The following SHROOM2 variants were observed in gnomAD, a reference collection of about 807,000 sequenced individuals.
The protein encoded by SHROOM2 is protein Shroom2.
SHROOM2 carries 33 observed loss-of-function variants against 75.9 expected under a neutral mutation model. The observed-to-expected ratio is 0.43, with a 90% CI of 0.33 to 0.58. SHROOM2 has a LOEUF of 0.58. Among genes scored for constraint, SHROOM2 ranks in the 20% least tolerant of loss-of-function variants. The pLI, the probability that SHROOM2 is intolerant of heterozygous loss-of-function variation, is 0.04. For missense variants in SHROOM2, 1,434 were observed against 1,461.2 expected (o/e 0.98, Z 0.30); for synonymous variants, 655 against 663.6 (o/e 0.99, Z 0.20).
At chrX:9,938,860 C>T (rs2084741309) in intron 7 of SHROOM2, among the ~76,000 whole-genome samples, 1 of 111,922 alleles carries the variant, frequency 8.9e-6, no homozygotes, top group Non-Finnish European at 1.9e-5. Flanking sequence ...GATAGCGTCA[C>T]ACATGTCCTT....
rs751185712 is a variant in SHROOM2, at chrX:9,898,174, A to G, written c.2791-16A>G. The G allele has an allele frequency of 3.5e-5, 41 of 1,154,990 alleles. 2 individuals are homozygous for G. The South Asian group carries it at 7.4e-4, about 21-fold the overall frequency. On this transcript the variant is annotated splice_polypyrimidine_tract_variant and intron_variant, in intron 4 of 9. Coordinates refer to ENST00000380913, the MANE Select transcript of SHROOM2 (RefSeq NM_001649.4). ...CAGCTTGAGGACTTGGTGTCTCATT[A>G]TGTTGCCCTTTGCAGGAAGCTTCTG...
At chrX:9,899,122 T>C (rs2084351350) in intron 5 of SHROOM2, among the ~76,000 whole-genome samples, 1 of 109,777 alleles carries the variant, frequency 9.1e-6, no homozygotes, top group Non-Finnish European at 1.9e-5. Flanking sequence ...TGGTGGCAGA[T>C]GCCTGTAGTC....
At chrX:9,789,905 C>T (rs758320534) in intron 1 of SHROOM2, among the ~76,000 whole-genome samples, 10 of 112,248 alleles carry the variant, frequency 8.9e-5, no homozygotes, top group East Asian at 5.6e-4. Context: ...CATTGATTTT[C>T]GGGTTGCCAT....
chrX:9,865,811 C>T (rs2084134028), intron 1 of SHROOM2, among the ~76,000 whole-genome samples: 1 of 110,339 alleles, frequency 9.1e-6, no homozygotes, highest in South Asian at 3.9e-4. Context: ...TCGCCCACCT[C>T]ACCCTCCCAA....
chrX:9,807,004 G>A (rs1484659925), intron 1 of SHROOM2, among the ~76,000 whole-genome samples: 9 of 111,980 alleles, frequency 8.0e-5, no homozygotes, highest in East Asian at 5.6e-4. Flanking sequence ...GATTACAGGC[G>A]TGAGCCACCA....
At chrX:9,869,932 TTGTAAA>T (rs2084162588) in intron 1 of SHROOM2, among the ~76,000 whole-genome samples, 1 of 112,027 alleles carries the variant, frequency 8.9e-6, no homozygotes, top group South Asian at 3.7e-4. Context: ...GAATTATACT[TTGTAAA>T]TGTGCATTTT....
Position 9,896,254 on chromosome X carries a change from G to A in SHROOM2, c.2346G>A (p.Gln782=). 8.2e-7 allele frequency: 1 copy of A among 1,212,211 alleles called. No homozygotes were observed. Among genetic ancestry groups the A allele is most frequent in the Non-Finnish European group, 1.1e-6 (1 of 895,609 alleles). ...TCACGAGGGGCTACAGTCCTCACCA[G>A]CACCCCAGGACATCTGAGGATACTG... ...VGLTRGYSPH[Q]HPRTSEDTVG... Residue 782 remains glutamine, a synonymous_variant, in exon 4 of 10, where the codon CAG becomes CAA. Transcript: ENST00000380913.
At chrX:9,837,979 C>G (rs1337305400) in intron 1 of SHROOM2, among the ~76,000 whole-genome samples, 2 of 110,054 alleles carry the variant, frequency 1.8e-5, no homozygotes, top group African/African-American at 6.6e-5. Context: ...ATTGGGTGGT[C>G]CTGGACATTT....
intron 1 of SHROOM2, among the ~76,000 whole-genome samples, chrX:9,799,157 CTTTTTT>C (rs58508176): frequency 3.3e-5 from 2 of 61,410 alleles, no homozygotes; most frequent in African/African-American, 8.8e-5. Flanking sequence ...GAGTTTAATT[CTTTTTT>C]TTTTTTTTTT....
intron 1 of SHROOM2, among the ~76,000 whole-genome samples, chrX:9,804,629 G>A (rs1375248001): frequency 9.0e-6 from 1 of 111,445 alleles, no homozygotes; most frequent in Non-Finnish European, 1.9e-5. Context: ...TGCTTCAGAA[G>A]GTCAGAGGAG....
chrX:9,808,635 G>T (rs1050756295), intron 1 of SHROOM2, among the ~76,000 whole-genome samples: 1 of 110,263 alleles, frequency 9.1e-6, no homozygotes, highest in African/African-American at 3.3e-5. Flanking sequence ...GCCAAGGTGG[G>T]TGGATCACCT....
At chrX:9,803,941 A>G (rs767637449) in intron 1 of SHROOM2, among the ~76,000 whole-genome samples, 2 of 111,310 alleles carry the variant, frequency 1.8e-5, no homozygotes, top group East Asian at 5.7e-4. Flanking sequence ...CAGTCTCGAT[A>G]ACAAATCTAG....
chrX:9,863,101 C>A, intron 1 of SHROOM2, among the ~76,000 whole-genome samples: 1 of 111,103 alleles, frequency 9.0e-6, no homozygotes, highest in East Asian at 2.9e-4. Flanking sequence ...CCACAGAATG[C>A]ACACTCTTCT....
chrX:9,814,460 C>T (rs2083808120), intron 1 of SHROOM2, among the ~76,000 whole-genome samples: 2 of 111,195 alleles, frequency 1.8e-5, no homozygotes, highest in Non-Finnish European at 3.8e-5. Context: ...GAGTGTAGCG[C>T]ACCTCCTCAT....
intron 5 of SHROOM2, among the ~76,000 whole-genome samples, chrX:9,909,791 A>G (rs1045031218): frequency 8.9e-6 from 1 of 112,702 alleles, no homozygotes; most frequent in East Asian, 2.8e-4. Flanking sequence ...TCAGGCTGCT[A>G]TAATAAAACA....
intron 1 of SHROOM2, among the ~76,000 whole-genome samples, chrX:9,855,149 G>A (rs774846326): frequency 1.9e-5 from 2 of 107,452 alleles, no homozygotes; most frequent in East Asian, 2.9e-4. Flanking sequence ...AGGGCCTGTC[G>A]GGGAGTTGGG....
chrX:9,881,311 C>T lies in SHROOM2; in HGVS notation c.317+7508C>T, dbSNP rs773550668. 3.8e-4 allele frequency among the ~76,000 whole-genome samples: 42 copies of T among 111,698 alleles called. No individual in the cohort carries two copies. The Admixed American group carries it at 3.9e-3, about 10-fold the overall frequency. ...GACAAAGAAGAGGAAGGAATCAGATCTTTCTTCAGTGATTTCACTACTTTG... is the reference window on the plus strand; with the variant it reads ...GACAAAGAAGAGGAAGGAATCAGATTTTTCTTCAGTGATTTCACTACTTTG... On this transcript the variant is annotated intron_variant, in intron 2 of 9. Transcript: ENST00000380913.
At chrX:9,899,675 ACT>A (rs1266417243) in intron 5 of SHROOM2, among the ~76,000 whole-genome samples, 3 of 112,276 alleles carry the variant, frequency 2.7e-5, no homozygotes, top group Middle Eastern at 9.1e-3. Context: ...TACTTAACAG[ACT>A]CTGAGGCTGA....
At position 9,838,246 on chromosome X, in the gene SHROOM2, G is replaced by C. The variant is rs186737756; in HGVS notation, c.166-35406G>C. ...CGGCTAATTTTTTGTATTTTTAGTA[G>C]AGGCAGGGTTTCACCATGTTAGCCA... On this transcript the variant is annotated intron_variant, in intron 1 of 9. Transcript: ENST00000380913. Among the ~76,000 whole-genome samples, 804 of 109,266 alleles carry C rather than the reference G, an allele frequency of 7.4e-3. 6 individuals are homozygous for C. Among genetic ancestry groups the C allele is most frequent in the African/African-American group, 0.026 (772 of 29,947 alleles). 94.9% of individuals were successfully genotyped at this position (109,266 alleles called of 115,157 possible). A position where few individuals can be genotyped will look rare whatever the true frequency, so the allele number is the denominator to read the frequency against.
Sources: gnomAD v4.1 joint callset for allele counts (sites outside exome capture counted in the v4.1 genomes callset) on GRCh38, gnomAD v4.1.1 for gene constraint, MANE v1.5 for transcripts, NCBI Gene and HGNC (gene_info 2026-07-23, HGNC 2026-07-21) for gene names.